Variants in RWDD4 observed in about 807,000 individuals in gnomAD.
RWDD4 encodes RWD domain-containing protein 4.
Under a neutral mutation model 30.0 loss-of-function variants are expected in RWDD4, and 16 were observed. That is an observed-to-expected ratio of 0.53 (90% CI 0.36 to 0.81). The LOEUF (loss-of-function observed/expected upper bound fraction) is 0.81. RWDD4 is among the 30% of genes least tolerant of loss of function. RWDD4 has a pLI of 0.00. For missense variants in RWDD4, 170 were observed against 223.9 expected (o/e 0.76, Z 1.54); for synonymous variants, 45 against 72.1 (o/e 0.62, Z 1.90).
At chr4:183,650,791 A>G (rs1273641172) in intron 4 of RWDD4, among the ~76,000 whole-genome samples, 193 bp downstream of exon 4, 1 of 152,244 alleles carries the variant, frequency 6.6e-6, no homozygotes, top group Non-Finnish European at 1.5e-5. Context: ...ATAAAAATCT[A>G]GAGAATATAA....
Position 183,651,410 on chromosome 4 carries a change from C to A in RWDD4, c.106-83G>T, listed in dbSNP as rs1481815114. The A allele has an allele frequency of 4.1e-6, 4 of 968,758 alleles. No individual in the cohort carries two copies. The Admixed American group carries it at 5.9e-5, about 14-fold the overall frequency. The allele number at this position is 968,758 out of a possible 1,614,324, so 60.0% of individuals were successfully genotyped here. ...ATTATAATCTTCAAAAGGGTGAATT[C>A]TTTCCAATACTCATGCTCAGATCAG... On this transcript the variant is annotated intron_variant, in intron 2 of 7. Transcript: ENST00000326397.
chr4:183,651,994 T>C (rs537114852), intron 2 of RWDD4, among the ~76,000 whole-genome samples: 1 of 152,314 alleles, frequency 6.6e-6, no homozygotes, highest in East Asian at 1.9e-4. Flanking sequence ...TTACTTTATC[T>C]TTCCCCCTCT....
rs140946722 is a variant in RWDD4 at position 183,650,986 on chromosome 4, C to T, written c.361G>A (p.Ala121Thr). 7.9e-5 allele frequency: 127 copies of T among 1,608,090 alleles called. No homozygotes were observed. Among genetic ancestry groups the T allele is most frequent in the South Asian group, 1.8e-4 (16 of 89,994 alleles). Reference sequence around the variant, plus strand: ...CAAAAAAATAATCACATACTCACTGCGGAATTGATGGGATTGTGATTCTCC... The same window carrying T: ...CAAAAAAATAATCACATACTCACTGTGGAATTGATGGGATTGTGATTCTCC... The part of the protein sequence containing the change: ...FMENHNPINS[A>T]TSISNIISIE... The change falls in exon 4 of 8, where the codon GCA becomes ACA. Residue 121 changes from alanine (A) to threonine (T), a missense_variant and splice_region_variant. Ala to Thr is a moderately conservative substitution (Grantham distance 58). Transcript: ENST00000326397.
chr4:183,654,268 A>C (rs1010051131), intron 2 of RWDD4, among the ~76,000 whole-genome samples: 5 of 152,216 alleles, frequency 3.3e-5, no homozygotes, highest in African/African-American at 9.7e-5. Context: ...CCCAGAGAAA[A>C]ACATTTTTAA....
intron 1 of RWDD4, among the ~76,000 whole-genome samples, chr4:183,657,535 T>A (rs531082724): frequency 7.6e-4 from 116 of 152,304 alleles, no homozygotes; most frequent in Non-Finnish European, 1.4e-3. Context: ...AGAACTTGTA[T>A]CAATACTCAG....
intron 5 of RWDD4, among the ~76,000 whole-genome samples, chr4:183,648,116 C>T (rs889272377): frequency 4.6e-5 from 7 of 152,054 alleles, no homozygotes; most frequent in Non-Finnish European, 8.8e-5. Context: ...TAGTGACATG[C>T]GCCAGTAGTC....
At chr4:183,652,479 G>A (rs1483636100) in intron 2 of RWDD4, among the ~76,000 whole-genome samples, 1 of 149,064 alleles carries the variant, frequency 6.7e-6, no homozygotes, top group Non-Finnish European at 1.5e-5. Context: ...CTGGGCGACA[G>A]AGCAAGAGTC....
At chr4:183,652,871 C>T (rs1203957378) in intron 2 of RWDD4, among the ~76,000 whole-genome samples, 3 of 148,808 alleles carry the variant, frequency 2.0e-5, no homozygotes, top group African/African-American at 5.2e-5. Context: ...GAGCTACAGG[C>T]GTGTGCCCCA....
At chr4:183,642,076 C>T (rs1055665648) in intron 7 of RWDD4, among the ~76,000 whole-genome samples, 6 of 152,078 alleles carry the variant, frequency 3.9e-5, no homozygotes, top group Non-Finnish European at 8.8e-5. Context: ...GCCACCGCAC[C>T]TGACAACTCC....
At chr4:183,648,494 T>C (rs1453890497) in intron 5 of RWDD4, among the ~76,000 whole-genome samples, 1 of 152,198 alleles carries the variant, frequency 6.6e-6, no homozygotes, top group African/African-American at 2.4e-5. Flanking sequence ...CTAGAGTTTA[T>C]TATCTTCTTC....
At position 183,642,251 on chromosome 4, in the gene RWDD4, G is replaced by A. The variant is rs1223172996; in HGVS notation, c.535-783C>T. Among the ~76,000 whole-genome samples the A allele has an allele frequency of 2.5e-5, 2 of 81,142 alleles. 1 individual carries two copies. Among genetic ancestry groups the A allele is most frequent in the African/African-American group, 1.7e-4 (2 of 11,912 alleles). The allele number at this position is 81,142 out of a possible 152,430, so 53.2% of individuals were successfully genotyped here. A position where few individuals can be genotyped will look rare whatever the true frequency, so the allele number is the denominator to read the frequency against. On this transcript the variant is annotated intron_variant, in intron 7 of 7. Coordinates refer to ENST00000326397, the MANE Select transcript of RWDD4 (RefSeq NM_152682.4). ...GTCGCCCAGGCTGGAGTGCAGTGGC[G>A]CGATCTCGGCTCACTGCAAGCTCCG...
rs1403019626 is a variant in RWDD4 at position 183,659,134 on chromosome 4, C to A, written c.-182G>T. ...AGCCTCGGCAGCGCCCAGCCGCCGG[C>A]AGTGGGCTGTGGGCTACGAGCCGGA... On this transcript the variant is annotated 5_prime_UTR_variant, in exon 1 of 8. Coordinates refer to ENST00000326397, the MANE Select transcript of RWDD4 (RefSeq NM_152682.4). 3 of 432,272 alleles carry A rather than the reference C, an allele frequency of 6.9e-6. No individual in the cohort carries two copies. The highest frequency in any genetic ancestry group is 2.0e-5 in the African/African-American group (1 of 49,146). The allele number at this position is 432,272 out of a possible 1,614,324, so 26.8% of individuals were successfully genotyped here.
At chr4:183,655,009 C>T (rs1424527215) in intron 2 of RWDD4, among the ~76,000 whole-genome samples, 1 of 151,674 alleles carries the variant, frequency 6.6e-6, no homozygotes, top group Non-Finnish European at 1.5e-5. Flanking sequence ...GGCACAATCT[C>T]TGCTCACTGG....
chr4:183,641,434 T>C lies in RWDD4; in HGVS notation c.*2A>G, dbSNP rs1400760001. The stretch of plus-strand genomic sequence containing the variant: ...CTCTTTCCTTGTCTCAAATTCCAAG[T>C]GCTACTCATCATCCTTAGAGCCAGT... On this transcript the variant is annotated 3_prime_UTR_variant, in exon 8 of 8. Coordinates refer to ENST00000326397, the MANE Select transcript of RWDD4 (RefSeq NM_152682.4). 6.2e-7 allele frequency: 1 copy of C among 1,603,906 alleles called. No individual in the cohort carries two copies.
At chr4:183,645,599 CAAA>C (rs11310523) in intron 7 of RWDD4, among the ~76,000 whole-genome samples, 6 of 111,470 alleles carry the variant, frequency 5.4e-5, no homozygotes, top group Admixed American at 9.5e-5. Context: ...TCTGTCTCTG[CAAA>C]AAAAAAAAAA....
At chr4:183,649,692 T>G in intron 4 of RWDD4, 124 bp from the exon 5 acceptor site, 1 of 504,462 alleles carries the variant, frequency 2.0e-6, no homozygotes, top group Non-Finnish European at 3.5e-6. Flanking sequence ...CCTATATTAT[T>G]ATGATTCATT....
intron 2 of RWDD4, chr4:183,653,437 G>A (rs1422608757): frequency 1.3e-5 from 2 of 151,958 alleles, no homozygotes; most frequent in African/African-American, 4.8e-5. Flanking sequence ...CGTCTGTGGG[G>A]CAACACTACA....
Position 183,646,546 on chromosome 4 carries a change from T to C in RWDD4, c.482-9A>G, listed in dbSNP as rs755863060. ...AAGTTCTCCTTTGTGATCTAGAAGA[T>C]AAAAAATAGTAACTTTATTTCTAAG... On this transcript the variant is annotated splice_polypyrimidine_tract_variant and intron_variant, in intron 5 of 7. Coordinates refer to ENST00000326397, the MANE Select transcript of RWDD4 (RefSeq NM_152682.4). 118 of 1,606,784 alleles carry C rather than the reference T, an allele frequency of 7.3e-5. No individual in the cohort carries two copies. The East Asian group carries it at 7.4e-4, about 10-fold the overall frequency.
intron 7 of RWDD4, among the ~76,000 whole-genome samples, chr4:183,643,370 T>C (rs1227389061): frequency 2.7e-5 from 3 of 112,684 alleles, no homozygotes; most frequent in African/African-American, 1.0e-4. Flanking sequence ...GACCTGAAAT[T>C]GCGCCACTGA....
Sources: gnomAD v4.1 joint callset for allele counts (sites outside exome capture counted in the v4.1 genomes callset) on GRCh38, gnomAD v4.1.1 for gene constraint, MANE v1.5 for transcripts, NCBI Gene and HGNC (gene_info 2026-07-23, HGNC 2026-07-21) for gene names.